The following ZNF385B variants were observed in gnomAD, a reference collection of about 807,000 sequenced individuals.
The protein encoded by ZNF385B is zinc finger protein 533.
A neutral mutation model predicts 39.2 loss-of-function variants in ZNF385B; 23 were observed. The observed-to-expected ratio is 0.59, with a 90% CI of 0.42 to 0.83. The LOEUF is 0.83. ZNF385B is among the 40% of genes least tolerant of loss of function. The pLI is 0.00. For synonymous variants in ZNF385B, 205 were observed against 222.6 expected, an observed-to-expected ratio of 0.92 and a Z score of 0.70; for missense variants, 552 against 598.9, an observed-to-expected ratio of 0.92 and a Z score of 0.82.
At chr2:179,854,412 G>C (rs1385739006) in intron 1 of ZNF385B, among the ~76,000 whole-genome samples, 1 of 151,646 alleles carries the variant, frequency 6.6e-6, no homozygotes, top group Non-Finnish European at 1.5e-5. Flanking sequence ...TTTAATGATT[G>C]TCTTTGAATG....
At chr2:179,539,438 T>C (rs2059782191) in intron 4 of ZNF385B, among the ~76,000 whole-genome samples, 1 of 152,204 alleles carries the variant, frequency 6.6e-6, no homozygotes, top group Non-Finnish European at 1.5e-5. Flanking sequence ...CATAGCAATC[T>C]ACATATGTAA....
chr2:179,712,449 C>T (rs936002452), intron 3 of ZNF385B, among the ~76,000 whole-genome samples: 13 of 152,232 alleles, frequency 8.5e-5, no homozygotes, highest in Non-Finnish European at 1.3e-4. Context: ...TGTATAAGCC[C>T]GAAATACAGA....
At chr2:179,545,501 C>T (rs1230409685) in intron 3 of ZNF385B, among the ~76,000 whole-genome samples, 1 of 151,842 alleles carries the variant, frequency 6.6e-6, no homozygotes, top group Non-Finnish European at 1.5e-5. Flanking sequence ...AAAAAACAAA[C>T]TTTCTGAAAG....
intron 6 of ZNF385B, among the ~76,000 whole-genome samples, chr2:179,479,517 A>C (rs1382069480): frequency 6.6e-6 from 1 of 152,162 alleles, no homozygotes; most frequent in Non-Finnish European, 1.5e-5. Context: ...TACTTCTTAG[A>C]ATAAATAATG....
At chr2:179,815,841 C>A (rs1393131445) in intron 1 of ZNF385B, among the ~76,000 whole-genome samples, 2 of 152,136 alleles carry the variant, frequency 1.3e-5, no homozygotes, top group Non-Finnish European at 2.9e-5. Flanking sequence ...GTACTATTAA[C>A]CCTTCTTAGA....
chr2:179,775,960 G>A (rs960031317), intron 1 of ZNF385B, among the ~76,000 whole-genome samples: 4 of 152,194 alleles, frequency 2.6e-5, no homozygotes, highest in African/African-American at 9.6e-5. Flanking sequence ...TAGATACTGG[G>A]AGATGAATGT....
intron 1 of ZNF385B, among the ~76,000 whole-genome samples, chr2:179,798,716 T>A (rs1392506282): frequency 6.6e-6 from 1 of 152,186 alleles, no homozygotes; most frequent in African/African-American, 2.4e-5. Flanking sequence ...CCTTGGTAAG[T>A]ATAGTCAAAT....
At chr2:179,564,269 T>C (rs919617005) in intron 3 of ZNF385B, among the ~76,000 whole-genome samples, 1 of 152,042 alleles carries the variant, frequency 6.6e-6, no homozygotes, top group Non-Finnish European at 1.5e-5. Flanking sequence ...AGTGGGAGAA[T>C]GGGATAAGGA....
At chr2:179,459,875 G>A (rs776521608) in intron 6 of ZNF385B, among the ~76,000 whole-genome samples, 181 of 151,494 alleles carry the variant, frequency 1.2e-3, no homozygotes, top group East Asian at 6.6e-3. Flanking sequence ...AAGCTGAGGC[G>A]GGTGGATCAC....
intron 1 of ZNF385B, among the ~76,000 whole-genome samples, chr2:179,803,510 T>A (rs986821672): frequency 2.6e-5 from 4 of 152,164 alleles, no homozygotes; most frequent in African/African-American, 9.7e-5. Context: ...AAGACTCAAA[T>A]AATGTTTAGA....
chr2:179,524,380 G>A (rs2058723680), intron 4 of ZNF385B, among the ~76,000 whole-genome samples: 5 of 151,274 alleles, frequency 3.3e-5, no homozygotes, highest in South Asian at 2.1e-4. Context: ...GTAAAACCCC[G>A]TCTCTACTAA....
chr2:179,502,318 G>A (rs538959049), intron 5 of ZNF385B, among the ~76,000 whole-genome samples: 1 of 152,304 alleles, frequency 6.6e-6, no homozygotes, highest in East Asian at 1.9e-4. Context: ...ATGTGAGAAG[G>A]AGATGAGATT....
intron 3 of ZNF385B, among the ~76,000 whole-genome samples, chr2:179,708,948 G>T (rs1699808893): frequency 6.6e-6 from 1 of 152,206 alleles, no homozygotes. Context: ...AAATAAGGTG[G>T]TCTCTGCAAT....
chr2:179,604,506 C>T (rs931995327), intron 3 of ZNF385B, among the ~76,000 whole-genome samples: 13 of 151,940 alleles, frequency 8.6e-5, no homozygotes, highest in African/African-American at 3.1e-4. Flanking sequence ...CCAGAACTCC[C>T]AACAATCATT....
intron 3 of ZNF385B, among the ~76,000 whole-genome samples, chr2:179,683,569 G>A (rs1260707501): frequency 1.3e-5 from 2 of 151,448 alleles, no homozygotes; most frequent in South Asian, 2.1e-4. Flanking sequence ...TCTGCCTCCC[G>A]GGTTCAAGTG....
chr2:179,831,423 C>T (rs908050702), intron 1 of ZNF385B, among the ~76,000 whole-genome samples: 15 of 150,366 alleles, frequency 1.0e-4, no homozygotes, highest in South Asian at 2.1e-4. Context: ...ACTGCCATAG[C>T]GAAGATCCAG....
chr2:179,788,772 T>C (rs887883103), intron 1 of ZNF385B, among the ~76,000 whole-genome samples: 4 of 152,110 alleles, frequency 2.6e-5, no homozygotes, highest in African/African-American at 7.2e-5. Context: ...ATCAGTGTTA[T>C]GATGGTCCTG....
At chr2:179,473,462 C>T (rs550600410) in intron 6 of ZNF385B, among the ~76,000 whole-genome samples, 1 of 152,212 alleles carries the variant, frequency 6.6e-6, no homozygotes, top group African/African-American at 2.4e-5. Context: ...AGCCAGGCAG[C>T]TTCCATGTAT....
chr2:179,689,826 T>TGTGTGTGTGTGTGTG (rs1491484227), intron 3 of ZNF385B, among the ~76,000 whole-genome samples: 21 of 46,802 alleles, frequency 4.5e-4, no homozygotes, highest in African/African-American at 1.8e-3. Context: ...TGTGTGTGTG[T>TGTGTGTGTGTGTGTG]TTATTTGTTT....
Sources: allele counts gnomAD v4.1 joint callset (sites outside exome capture counted in the v4.1 genomes callset), GRCh38; gene constraint gnomAD v4.1.1; transcripts MANE v1.5; gene names NCBI Gene and HGNC (gene_info 2026-07-23, HGNC 2026-07-21).